SMG5: variants seen among roughly 807,000 people sequenced by gnomAD.
SMG5 encodes the protein SMG5 nonsense mediated mRNA decay factor, also known as nonsense-mediated mRNA decay factor SMG5.
A neutral mutation model predicts 122.9 loss-of-function variants in SMG5; 53 were observed. That is an observed-to-expected ratio of 0.43 (90% CI 0.35 to 0.54). The LOEUF is 0.54. SMG5 is among the 20% of genes least tolerant of loss of function. SMG5 has a pLI of 0.01. For synonymous variants in SMG5, 477 were observed against 490.2 expected (o/e 0.97, Z 0.35); for missense variants, 1,153 against 1,285.6 (o/e 0.90, Z 1.58).
intron 17 of SMG5, 143 bp from the exon 18 acceptor site, chr1:156,253,221 GA>G: frequency 9.4e-7 from 1 of 1,059,084 alleles, no homozygotes; most frequent in Non-Finnish European, 1.3e-6. Context: ...GGCTTTGGGG[GA>G]AAAGTAAACA....
intron 15 of SMG5, 74 bp downstream of exon 15, chr1:156,260,376 TC>T: frequency 6.6e-7 from 1 of 1,520,520 alleles, no homozygotes; most frequent in Non-Finnish European, 8.9e-7. Flanking sequence ...GCCCCCTCCC[TC>T]CCCAGATCTG....
Position 156,282,607 on chromosome 1 carries a change from C to T in SMG5, c.74G>A (p.Arg25Gln). The change falls in exon 1 of 22, where the codon CGG becomes CAG. Residue 25 changes from arginine (R) to glutamine (Q), a missense_variant and splice_region_variant. Around this residue, in one of 5 missense-constraint regions of SMG5, gnomAD observed 213 missense variants for 197.5 expected, o/e 1.08. Coordinates refer to ENST00000361813, the MANE Select transcript of SMG5 (RefSeq NM_015327.3). Reference sequence around the variant, plus strand: ...GCTCTCACGCCCTGGCCCCTCTCACCGGTAAAGCCGCTTAGTGTGGAGGAC... The same window carrying T: ...GCTCTCACGCCCTGGCCCCTCTCACTGGTAAAGCCGCTTAGTGTGGAGGAC... ...AKVLHTKRLY[R>Q]AVVEAVHRLD... 6.2e-7 allele frequency: 1 copy of T among 1,607,900 alleles called. No homozygotes were observed.
Position 156,266,356 on chromosome 1 carries a change from A to G in SMG5, c.1280T>C (p.Val427Ala). 6.2e-7 allele frequency: 1 copy of G among 1,613,288 alleles called. No homozygotes were observed. Among genetic ancestry groups the G allele is most frequent in the Non-Finnish European group, 8.5e-7 (1 of 1,179,504 alleles). Residue 427 changes from valine (V) to alanine (A), a missense_variant, in exon 12 of 22, where the codon GTG (valine) becomes GCG (alanine). By Grantham distance (64) the Val-to-Ala change is moderately conservative (BLOSUM62 0). Coordinates refer to ENST00000361813, the MANE Select transcript of SMG5 (RefSeq NM_015327.3). ...AGGATCTGGCTCCTCCTCTTTCTCC[A>G]CAGGTTCCTTGGACTCTGGTTCATC... ...GTDEPESKEP[V>A]EKEEEPDPEP...
intron 16 of SMG5, among the ~76,000 whole-genome samples, chr1:156,256,208 T>C (rs987947248): frequency 2.0e-5 from 3 of 151,962 alleles, no homozygotes; most frequent in Middle Eastern, 3.4e-3. Flanking sequence ...CAACAAAGAA[T>C]TGTCCTGCCC....
At chr1:156,283,604 C>T (rs960112094), upstream of SMG5, among the ~76,000 whole-genome samples, 2 of 152,286 alleles carry the variant, frequency 1.3e-5, no homozygotes, top group South Asian at 2.1e-4. Flanking sequence ...TAGCTTAAAA[C>T]CTAAGTTAAA....
Position 156,274,703 on chromosome 1 carries a change from AAG to A in SMG5, c.455-19_455-18del. 1 of 1,608,686 alleles carries A rather than the reference AAG, an allele frequency of 6.2e-7. No homozygotes were observed. Among genetic ancestry groups the A allele is most frequent in the Non-Finnish European group, 8.5e-7 (1 of 1,175,326 alleles). On this transcript the variant is annotated intron_variant, in intron 4 of 21. Transcript: ENST00000361813. ...TCTTGCATCCTATGAGACAAAGAGA[AAG>A]AGATTTGTAGGCCCATTCTTCTGCC...
chr1:156,252,310 G>A lies in SMG5; in HGVS notation c.2753+104C>T. The A allele has an allele frequency of 4.1e-6, 4 of 971,942 alleles. No individual in the cohort carries two copies. The South Asian group carries it at 5.7e-5, about 14-fold the overall frequency. The allele number at this position is 971,942 out of a possible 1,614,324, so 60.2% of individuals were successfully genotyped here. A position where few individuals can be genotyped will look rare whatever the true frequency, so the allele number is the denominator to read the frequency against. On this transcript the variant is annotated intron_variant, in intron 19 of 21. Transcript: ENST00000361813. The stretch of plus-strand genomic sequence containing the variant: ...GTGAGCTAACTGTGAGTAGAGACGG[G>A]TATGTATGTGTCTTACCCATAGGGA...
At chr1:156,281,931 A>G (rs969771016) in intron 1 of SMG5, among the ~76,000 whole-genome samples, 8 of 152,142 alleles carry the variant, frequency 5.3e-5, no homozygotes, top group African/African-American at 1.4e-4. Context: ...TTGCCTGGCA[A>G]GAGACTACAG....
intron 10 of SMG5, 73 bp from the exon 11 acceptor site, chr1:156,266,751 A>G: frequency 1.3e-6 from 2 of 1,523,350 alleles, no homozygotes; most frequent in African/African-American, 2.8e-5. Context: ...TTCCAACCAC[A>G]TCTCATCTGT....
rs371743895 is a variant in SMG5, at chr1:156,261,398, C to T, written c.2042G>A (p.Ser681Asn). 6.2e-7 allele frequency: 1 copy of T among 1,614,100 alleles called. No homozygotes were observed. Among genetic ancestry groups the T allele is most frequent in the African/African-American group, 1.3e-5 (1 of 75,028 alleles). Reference sequence around the variant, plus strand: ...CAACACAGACAGGCGGTTCCACAGACTTTGAGAGCTCTGGGGAGAGAGAAG... The same window carrying T: ...CAACACAGACAGGCGGTTCCACAGATTTTGAGAGCTCTGGGGAGAGAGAAG... ...LIIVCAQSSQ[S>N]LWNRLSVLLN... is the part of the protein sequence containing the mutation. Residue 681 changes from serine (S) to asparagine (N), a missense_variant, in exon 14 of 22, where the codon AGT becomes AAT. By Grantham distance (46) the Ser-to-Asn change is conservative. Coordinates refer to ENST00000361813, the MANE Select transcript of SMG5 (RefSeq NM_015327.3).
intron 20 of SMG5, 135 bp downstream of exon 20, chr1:156,251,268 A>G: frequency 9.3e-7 from 1 of 1,077,124 alleles, no homozygotes; most frequent in Non-Finnish European, 1.4e-6. Flanking sequence ...TCGCAAGGTG[A>G]GGCCTGCAGG....
At chr1:156,273,718 CTTTTTT>C (rs748042052) in intron 5 of SMG5, among the ~76,000 whole-genome samples, 8 of 116,342 alleles carry the variant, frequency 6.9e-5, no homozygotes, top group African/African-American at 2.7e-4. Flanking sequence ...GTTTTGTTTT[CTTTTTT>C]TTTTTTTTTT....
At chr1:156,291,507 C>T in the SMG5 span, 402 of 1,611,482 alleles carry the variant, frequency 2.5e-4, no homozygotes, top group Non-Finnish European at 3.3e-4. Flanking sequence ...GTGGTGGAGC[C>T]GGAGCGCATG....
At chr1:156,262,491 A>G (rs1347384924) in intron 13 of SMG5, among the ~76,000 whole-genome samples, 1 of 151,614 alleles carries the variant, frequency 6.6e-6, no homozygotes, top group African/African-American at 2.4e-5. Context: ...AAAAAAAAAA[A>G]AAAAAAAGGA....
In SMG5 at chr1:156,266,296, C is replaced by T; in HGVS notation, c.1340G>A (p.Gly447Asp). The T allele has an allele frequency of 6.2e-7, 1 of 1,614,178 alleles. No homozygotes were observed. Among genetic ancestry groups the T allele is most frequent in the African/African-American group, 1.3e-5 (1 of 75,044 alleles). ...PPPVTPQVGEGRKSRKFSRLS... is the reference protein window; with the variant it reads ...PPPVTPQVGEDRKSRKFSRLS... ...GCGAGAGAACTTACGGCTCTTTCTG[C>T]CCTCACCCACTTGGGGTGTTACAGG... Residue 447 changes from glycine to aspartate, a missense_variant, in exon 12 of 22, where the codon GGC becomes GAC. Transcript: ENST00000361813.
chr1:156,256,040 C>T (rs1452029175), intron 16 of SMG5, among the ~76,000 whole-genome samples: 1 of 152,162 alleles, frequency 6.6e-6, no homozygotes, highest in Non-Finnish European at 1.5e-5. Flanking sequence ...TGAGAACTGT[C>T]AGAGATTGCA....
intron 16 of SMG5, chr1:156,253,710 C>G (rs933431432): frequency 8.3e-6 from 5 of 605,928 alleles, no homozygotes; most frequent in South Asian, 1.8e-5. Context: ...ATTACCAACC[C>G]GATGCAGGTC....
intron 16 of SMG5, among the ~76,000 whole-genome samples, chr1:156,258,224 TCCTCAGTCTTTATC>T (rs1388862186): frequency 6.6e-6 from 1 of 152,228 alleles, no homozygotes; most frequent in Non-Finnish European, 1.5e-5. Context: ...TCCCTTCTAT[TCCTCAGTCTTTATC>T]CCTCTTGAAT....
chr1:156,288,360 G>T, the SMG5 span, among the ~76,000 whole-genome samples: 2 of 147,070 alleles, frequency 1.4e-5, no homozygotes, highest in Non-Finnish European at 3.0e-5. Flanking sequence ...TTTTGAGATG[G>T]TGTCTTACTC....
Sources: gnomAD v4.1 joint callset for allele counts (sites outside exome capture counted in the v4.1 genomes callset) on GRCh38, gnomAD v4.1.1 for gene constraint, gnomAD v4.1.1 regional missense constraint, MANE v1.5 for transcripts, NCBI Gene and HGNC (gene_info 2026-07-23, HGNC 2026-07-21) for gene names.